NAF1: variants seen among roughly 807,000 people sequenced by gnomAD.
NAF1 encodes the protein H/ACA ribonucleoprotein complex non-core subunit NAF1.
In NAF1, 11 loss-of-function variants were observed where a neutral mutation model predicts 40.6. The observed-to-expected ratio is 0.27, with a 90% CI of 0.17 to 0.45. The LOEUF is 0.45. NAF1 is among the 20% of genes least tolerant of loss of function. The probability of loss-of-function intolerance (pLI) is 1.00; values close to 1 mark genes in which losing one functional copy is unlikely to be tolerated. For synonymous variants in NAF1, 260 were observed against 228.5 expected, an observed-to-expected ratio of 1.14 and a Z score of -1.24; for missense variants, 607 against 611.1, an observed-to-expected ratio of 0.99 and a Z score of 0.07.
At chr4:163,105,174 G>C (rs1285055545), downstream of NAF1, among the ~76,000 whole-genome samples, 2 of 152,198 alleles carry the variant, frequency 1.3e-5, no homozygotes, top group Admixed American at 6.5e-5. Flanking sequence ...TATCAGCCAT[G>C]GGCTCTGGGT....
At chr4:163,153,595 T>C (rs4522824) in intron 2 of NAF1, among the ~76,000 whole-genome samples, 1 of 151,674 alleles carries the variant, frequency 6.6e-6, no homozygotes, top group Non-Finnish European at 1.5e-5. Context: ...TGTATCTAGC[T>C]GCTCTGGTGG....
At chr4:163,130,003 C>T (rs1043332653) in intron 7 of NAF1, among the ~76,000 whole-genome samples, 4 of 152,146 alleles carry the variant, frequency 2.6e-5, no homozygotes, top group African/African-American at 9.7e-5. Flanking sequence ...CCAGCAGTAA[C>T]AAGGCACCCC....
intron 2 of NAF1, among the ~76,000 whole-genome samples, chr4:163,148,654 C>T (rs1731573832): frequency 6.6e-6 from 1 of 152,052 alleles, no homozygotes; most frequent in South Asian, 2.1e-4. Context: ...AAGTATACAC[C>T]CCAAATTCAG....
intron 4 of NAF1, among the ~76,000 whole-genome samples, chr4:163,142,710 T>C (rs1731310563): frequency 6.6e-6 from 1 of 152,218 alleles, no homozygotes; most frequent in African/African-American, 2.4e-5. Context: ...ACAGGAAAAC[T>C]TGACCAAGTT....
chr4:163,127,103 G>A, downstream of NAF1: 2 of 1,551,334 alleles, frequency 1.3e-6, no homozygotes, highest in Non-Finnish European at 1.7e-6. Context: ...ATATCTGTGA[G>A]ATATACCTGT....
At chr4:163,126,954 C>T, downstream of NAF1, 1 of 1,542,402 alleles carries the variant, frequency 6.5e-7, no homozygotes, top group South Asian at 1.2e-5. Context: ...TTGAGATATG[C>T]ACATTGGTTT....
At position 163,166,875 on chromosome 4, in the gene NAF1, A is replaced by T. The variant is rs1340887735; in HGVS notation, c.-148T>A. ...GCGTTTCTCAGGTAACTACACGCGGAGGAGCCAAAAGACACGCCCCCGCCA... is the reference window on the plus strand; with the variant it reads ...GCGTTTCTCAGGTAACTACACGCGGTGGAGCCAAAAGACACGCCCCCGCCA... On this transcript the variant is annotated 5_prime_UTR_variant, in exon 1 of 8. Transcript: ENST00000274054. 7.5e-6 allele frequency: 8 copies of T among 1,060,170 alleles called. No individual in the cohort carries two copies. The highest frequency in any genetic ancestry group is 1.1e-5 in the Non-Finnish European group (8 of 758,180). The allele number at this position is 1,060,170 out of a possible 1,614,324, so 65.7% of individuals were successfully genotyped here.
downstream of NAF1, among the ~76,000 whole-genome samples, chr4:163,107,053 C>CTT (rs974714778): frequency 6.6e-6 from 1 of 151,672 alleles, no homozygotes; most frequent in Admixed American, 6.6e-5. Flanking sequence ...GTGGTGCAAT[C>CTT]TCGGCTCACT....
chr4:163,126,062 A>G (rs1051456166), downstream of NAF1, among the ~76,000 whole-genome samples: 4 of 152,252 alleles, frequency 2.6e-5, no homozygotes, highest in Admixed American at 1.3e-4. Flanking sequence ...GCTACTGATC[A>G]TTAACAATGT....
intron 2 of NAF1, among the ~76,000 whole-genome samples, chr4:163,162,435 T>G (rs1375342372): frequency 1.3e-5 from 2 of 152,200 alleles, no homozygotes; most frequent in East Asian, 3.8e-4. Flanking sequence ...AAGACTATAA[T>G]TGCCTCTTCC....
At chr4:163,149,943 C>T (rs1320230074) in intron 2 of NAF1, among the ~76,000 whole-genome samples, 2 of 152,046 alleles carry the variant, frequency 1.3e-5, no homozygotes, top group East Asian at 1.9e-4. Context: ...CACATTGACT[C>T]GGGTTCTGGG....
chr4:163,120,371 T>TC (rs1730482034), intron 2 of NAF1, among the ~76,000 whole-genome samples: 1 of 152,236 alleles, frequency 6.6e-6, no homozygotes, highest in South Asian at 2.1e-4. Context: ...TAATATTTTA[T>TC]CCCTTTGCAT....
chr4:163,150,132 G>C (rs1731639662), intron 2 of NAF1, among the ~76,000 whole-genome samples: 1 of 152,106 alleles, frequency 6.6e-6, no homozygotes, highest in Non-Finnish European at 1.5e-5. Context: ...TAACCAGCAG[G>C]AAAGGCCCCT....
intron 6 of NAF1, chr4:163,133,764 G>A (rs1424913427): frequency 6.6e-6 from 1 of 152,180 alleles, no homozygotes; most frequent in African/African-American, 2.4e-5. Flanking sequence ...GCAAAATAAG[G>A]GTATACAAAT....
At chr4:163,121,366 TA>T (rs903301329) in intron 2 of NAF1, among the ~76,000 whole-genome samples, 62 of 151,380 alleles carry the variant, frequency 4.1e-4, no homozygotes, top group Non-Finnish European at 5.8e-4. Context: ...AAATGAGAAG[TA>T]AAAAAAAACT....
downstream of NAF1, among the ~76,000 whole-genome samples, chr4:163,126,436 T>G (rs1331969039): frequency 6.6e-6 from 1 of 152,084 alleles, no homozygotes; most frequent in Non-Finnish European, 1.5e-5. Context: ...GAATATGTGG[T>G]AGAAATAGGA....
Position 163,128,808 on chromosome 4 carries a change from A to G in NAF1, c.*89T>C, listed in dbSNP as rs952838449. On this transcript the variant is annotated 3_prime_UTR_variant, in exon 8 of 8. Transcript: ENST00000274054. ...CATTTAGTATTTTACAGTGTTTTTAAAAATCTAGCTCCATAATCACTCTTG... is the reference window on the plus strand; with the variant it reads ...CATTTAGTATTTTACAGTGTTTTTAGAAATCTAGCTCCATAATCACTCTTG... 2.2e-6 allele frequency: 3 copies of G among 1,374,892 alleles called. No individual in the cohort carries two copies. The highest frequency in any genetic ancestry group is 1.9e-6 in the Non-Finnish European group (2 of 1,038,546). 85.2% of individuals were successfully genotyped at this position (1,374,892 alleles called of 1,614,324 possible).
chr4:163,138,497 C>A (rs1219956761), intron 5 of NAF1, among the ~76,000 whole-genome samples: 1 of 152,032 alleles, frequency 6.6e-6, no homozygotes, highest in African/African-American at 2.4e-5. Flanking sequence ...GCACTTTTAA[C>A]AAGACAGTAA....
intron 2 of NAF1, among the ~76,000 whole-genome samples, chr4:163,115,154 G>C (rs79868249): frequency 0.029 from 4,163 of 144,296 alleles, 86 homozygotes; most frequent in Middle Eastern, 0.058. Context: ...CATTTTTTCT[G>C]TTATTCTCAA....
Sources: allele counts gnomAD v4.1 joint callset (sites outside exome capture counted in the v4.1 genomes callset), GRCh38; gene constraint gnomAD v4.1.1; transcripts MANE v1.5; gene names NCBI Gene and HGNC (gene_info 2026-07-23, HGNC 2026-07-21).